Variants in KCND2 observed in about 807,000 individuals in gnomAD.
The protein encoded by KCND2 is potassium voltage-gated channel subfamily D member 2.
KCND2 carries 16 observed loss-of-function variants against 54.4 expected under a neutral mutation model. The ratio of observed to expected loss-of-function variants is 0.29; its 90% CI spans 0.20 to 0.45. The LOEUF (loss-of-function observed/expected upper bound fraction) is 0.45. KCND2 is among the 20% of genes least tolerant of loss of function. The pLI is 1.00. For synonymous variants in KCND2, 317 were observed against 310.7 expected, an observed-to-expected ratio of 1.02 and a Z score of -0.21; for missense variants, 486 against 824.2, an observed-to-expected ratio of 0.59 and a Z score of 5.02.
chr7:120,281,302 C>G (rs997745562), intron 1 of KCND2, among the ~76,000 whole-genome samples: 1 of 151,666 alleles, frequency 6.6e-6, no homozygotes, highest in African/African-American at 2.4e-5. Flanking sequence ...ATATTGTTTT[C>G]TAAGCAGGGA....
intron 1 of KCND2, among the ~76,000 whole-genome samples, chr7:120,697,635 G>A (rs932163085): frequency 6.6e-6 from 1 of 152,216 alleles, no homozygotes; most frequent in Admixed American, 6.5e-5. Flanking sequence ...TAGGGAAGCA[G>A]TAAGTTTACC....
chr7:120,705,033 CT>C (rs1410766296), intron 1 of KCND2, among the ~76,000 whole-genome samples: 2 of 152,094 alleles, frequency 1.3e-5, no homozygotes, highest in African/African-American at 4.8e-5. Flanking sequence ...TTAATGTTCT[CT>C]TTTGGAATAA....
At chr7:120,730,818 A>G (rs946690692) in intron 1 of KCND2, among the ~76,000 whole-genome samples, 5 of 152,086 alleles carry the variant, frequency 3.3e-5, no homozygotes, top group African/African-American at 1.2e-4. Flanking sequence ...CTCCATCTCC[A>G]TATTGACACA....
intron 1 of KCND2, among the ~76,000 whole-genome samples, chr7:120,698,108 A>G (rs938703656): frequency 7.7e-6 from 1 of 129,408 alleles, no homozygotes; most frequent in African/African-American, 3.0e-5. Context: ...TCTGCCTCCC[A>G]GGTTCAGGTG....
chr7:120,274,619 C>A lies in KCND2; in HGVS notation c.-14C>A. ...GACGCCTCGTTACCCTTCTTCCTTC[C>A]GCTTCAAGTAATCATGGCGGCGGGG... On this transcript the variant is annotated 5_prime_UTR_variant, in exon 1 of 6. Coordinates refer to ENST00000331113, the MANE Select transcript of KCND2 (RefSeq NM_012281.3). 10 of 1,614,144 alleles carry A rather than the reference C, an allele frequency of 6.2e-6. No individual in the cohort carries two copies. Among genetic ancestry groups the A allele is most frequent in the Non-Finnish European group, 8.5e-6 (10 of 1,180,014 alleles).
chr7:120,577,431 A>G (rs568384746), intron 1 of KCND2, among the ~76,000 whole-genome samples: 7 of 152,266 alleles, frequency 4.6e-5, no homozygotes, highest in South Asian at 2.1e-4. Flanking sequence ...CATTTCTACA[A>G]TTCTATAAGG....
intron 1 of KCND2, among the ~76,000 whole-genome samples, chr7:120,493,712 C>T (rs527325523): frequency 3.0e-3 from 454 of 152,140 alleles, no homozygotes; most frequent in African/African-American, 0.011. Flanking sequence ...AGAATTTTAA[C>T]AAGGCCAAGT....
intron 1 of KCND2, among the ~76,000 whole-genome samples, chr7:120,644,755 G>A (rs1793417736): frequency 6.6e-6 from 1 of 152,014 alleles, no homozygotes; most frequent in Non-Finnish European, 1.5e-5. Flanking sequence ...TATTAATTAG[G>A]AATATATTTA....
At chr7:120,343,327 T>C (rs913940712) in intron 1 of KCND2, among the ~76,000 whole-genome samples, 5 of 152,192 alleles carry the variant, frequency 3.3e-5, no homozygotes, top group Non-Finnish European at 5.9e-5. Flanking sequence ...AGAAGTTATA[T>C]ATGGACTCTG....
At chr7:120,557,284 C>T (rs1301036845) in intron 1 of KCND2, among the ~76,000 whole-genome samples, 1 of 152,004 alleles carries the variant, frequency 6.6e-6, no homozygotes, top group African/African-American at 2.4e-5. Context: ...CTTTATGCTA[C>T]AAACATTATA....
At chr7:120,729,966 C>G (rs1313645525) in intron 1 of KCND2, among the ~76,000 whole-genome samples, 1 of 152,080 alleles carries the variant, frequency 6.6e-6, no homozygotes, top group African/African-American at 2.4e-5. Flanking sequence ...TCGTAATTTT[C>G]TCTAATAATT....
intron 1 of KCND2, among the ~76,000 whole-genome samples, chr7:120,578,916 T>TCACACACA (rs111758455): frequency 0.033 from 4,916 of 146,772 alleles, 242 homozygotes; most frequent in African/African-American, 0.11. Flanking sequence ...AGACCCTGTC[T>TCACACACA]CACACACACA....
intron 1 of KCND2, among the ~76,000 whole-genome samples, chr7:120,351,822 TTC>T (rs1222992164): frequency 1.3e-5 from 2 of 152,000 alleles, no homozygotes; most frequent in African/African-American, 4.8e-5. Flanking sequence ...TTCTTTTTTT[TTC>T]TTTTTGAGAC....
chr7:120,310,698 A>C (rs1799724904), intron 1 of KCND2, among the ~76,000 whole-genome samples: 2 of 152,112 alleles, frequency 1.3e-5, no homozygotes, highest in Admixed American at 1.3e-4. Flanking sequence ...GCACTTTGGG[A>C]GGCTGAGGCA....
At chr7:120,616,380 T>C (rs1793025007) in intron 1 of KCND2, among the ~76,000 whole-genome samples, 1 of 152,196 alleles carries the variant, frequency 6.6e-6, no homozygotes, top group African/African-American at 2.4e-5. Flanking sequence ...CTATTCTATA[T>C]AGGGCTAACC....
chr7:120,565,625 T>C (rs1792286828), intron 1 of KCND2, among the ~76,000 whole-genome samples: 1 of 152,208 alleles, frequency 6.6e-6, no homozygotes, highest in Non-Finnish European at 1.5e-5. Flanking sequence ...GAAGTCATAG[T>C]CCATTCTCTG....
At chr7:120,460,230 T>C (rs950176090) in intron 1 of KCND2, among the ~76,000 whole-genome samples, 2 of 152,314 alleles carry the variant, frequency 1.3e-5, no homozygotes, top group South Asian at 4.1e-4. Context: ...CCAGACACTC[T>C]TTAGGAGTTT....
chr7:120,509,380 T>C (rs1036994814), intron 1 of KCND2, among the ~76,000 whole-genome samples: 1 of 152,060 alleles, frequency 6.6e-6, no homozygotes, highest in Non-Finnish European at 1.5e-5. Flanking sequence ...GGTATATATG[T>C]ATATACGCTC....
intron 1 of KCND2, among the ~76,000 whole-genome samples, chr7:120,515,726 G>A (rs1356737473): frequency 6.6e-6 from 1 of 152,126 alleles, no homozygotes; most frequent in East Asian, 1.9e-4. Context: ...AATGAACTAT[G>A]GAGCTAATAG....
Sources: gnomAD v4.1 joint callset for allele counts (sites outside exome capture counted in the v4.1 genomes callset) on GRCh38, gnomAD v4.1.1 for gene constraint, MANE v1.5 for transcripts, NCBI Gene and HGNC (gene_info 2026-07-23, HGNC 2026-07-21) for gene names.